The following C2orf72 variants were observed in gnomAD, a reference collection of about 807,000 sequenced individuals.
C2orf72 encodes uncharacterized protein C2orf72.
C2orf72 carries 16 observed loss-of-function variants against 14.4 expected under a neutral mutation model. The observed-to-expected ratio is 1.11, with a 90% CI of 0.75 to 1.69. C2orf72 has a LOEUF of 1.69. Among genes scored for constraint, C2orf72 ranks in the 40% most tolerant of loss-of-function variants. The pLI is 0.00. For synonymous variants in C2orf72, 168 were observed against 176.8 expected, an observed-to-expected ratio of 0.95 and a Z score of 0.40; for missense variants, 371 against 358.3, an observed-to-expected ratio of 1.04 and a Z score of -0.29.
intron 2 of C2orf72, among the ~76,000 whole-genome samples, chr2:231,043,727 TA>T (rs1693373825): frequency 2.0e-5 from 3 of 152,230 alleles, no homozygotes; most frequent in Admixed American, 6.5e-5. Context: ...ACAAATCTCA[TA>T]TAGAAGTGAA....
intron 2 of C2orf72, among the ~76,000 whole-genome samples, chr2:231,044,565 C>CT (rs1267363545): frequency 2.0e-5 from 3 of 151,208 alleles, no homozygotes; most frequent in Non-Finnish European, 4.4e-5. Context: ...CTTTTTCACT[C>CT]TTTTGTAGTA....
intron 2 of C2orf72, among the ~76,000 whole-genome samples, chr2:231,044,446 T>C (rs1188463097): frequency 6.6e-6 from 1 of 152,142 alleles, no homozygotes; most frequent in South Asian, 2.1e-4. Flanking sequence ...AGTTCGAGGC[T>C]ACAGTGATCC....
chr2:231,040,436 G>A (rs1693326762), intron 1 of C2orf72, among the ~76,000 whole-genome samples: 1 of 152,196 alleles, frequency 6.6e-6, no homozygotes, highest in Non-Finnish European at 1.5e-5. Flanking sequence ...TCTATGTTAA[G>A]CGCTTTCCTA....
intron 2 of C2orf72, 58 bp from the exon 3 acceptor site, chr2:231,046,824 G>C: frequency 6.7e-7 from 1 of 1,492,256 alleles, no homozygotes; most frequent in Non-Finnish European, 9.0e-7. Flanking sequence ...TTCCTTCCTA[G>C]ATAACTCACT....
At position 231,042,647 on chromosome 2, in the gene C2orf72, G is replaced by T. The variant is rs544564455; in HGVS notation, c.748+1238G>T. Among the ~76,000 whole-genome samples the T allele has an allele frequency of 1.2e-4, 18 of 152,306 alleles. No individual in the cohort carries two copies. In the South Asian group the frequency reaches 2.9e-3, roughly 25 times the overall value. On this transcript the variant is annotated intron_variant, in intron 2 of 2. Coordinates refer to ENST00000373640, the MANE Select transcript of C2orf72 (RefSeq NM_001144994.2). ...TGGTGGTTCAAAATTAACTTTCATTGTGTCTCTCATTTAAGAAAGAAAACC... is the reference window on the plus strand; with the variant it reads ...TGGTGGTTCAAAATTAACTTTCATTTTGTCTCTCATTTAAGAAAGAAAACC...
Position 231,048,345 on chromosome 2 carries a change from T to G in C2orf72, c.*1324T>G, listed in dbSNP as rs1293701961. The G allele has an allele frequency of 6.6e-6, 1 of 152,416 alleles. No individual in the cohort carries two copies. The highest frequency in any genetic ancestry group is 2.1e-4 in the South Asian group (1 of 4,836). The allele number at this position is 152,416 out of a possible 1,614,324, so 9.4% of individuals were successfully genotyped here. On this transcript the variant is annotated 3_prime_UTR_variant, in exon 3 of 3. Coordinates refer to ENST00000373640, the MANE Select transcript of C2orf72 (RefSeq NM_001144994.2). ...TACGCAGCAGACACACAACTGCGCC[T>G]ACTATTTGCTCGGTGCCCTGCAAGG...
rs2125135304 is a variant in C2orf72 at position 231,037,974 on chromosome 2, C to G, written c.409C>G (p.Arg137Gly). ...GCTGCGGGACGTGCGCGGCCGGCGG[C>G]GGGCCGGGGCGGCGCTGGTCGGGGT... The part of the protein sequence containing the change: ...EMLRDVRGRR[R>G]AGAALVGVLV... The change falls in exon 1 of 3, where the codon CGG (arginine) becomes GGG (glycine). Residue 137 changes from arginine to glycine, a missense_variant. Arg to Gly is a moderately radical substitution (Grantham distance 125, BLOSUM62 -2). Coordinates refer to ENST00000373640, the MANE Select transcript of C2orf72 (RefSeq NM_001144994.2). 3.9e-6 allele frequency: 4 copies of G among 1,022,440 alleles called. No individual in the cohort carries two copies. Among genetic ancestry groups the G allele is most frequent in the Non-Finnish European group, 4.7e-6 (4 of 860,132 alleles). The allele number at this position is 1,022,440 out of a possible 1,614,324, so 63.3% of individuals were successfully genotyped here. A position where few individuals can be genotyped will look rare whatever the true frequency, so the allele number is the denominator to read the frequency against.
At position 231,037,647 on chromosome 2, in the gene C2orf72, G is replaced by A; in HGVS notation, c.82G>A (p.Gly28Arg). Residue 28 changes from glycine (G) to arginine (R), a missense_variant, in exon 1 of 3, where the codon GGG becomes AGG. By Grantham distance (125) the Gly-to-Arg change is moderately radical. Around this residue, in one of 3 missense-constraint regions of C2orf72, gnomAD observed 214 missense variants for 178.7 expected, o/e 1.20. Transcript: ENST00000373640. The stretch of plus-strand genomic sequence containing the variant: ...CTTCCAGGCGTTGGTGGAAGCGGCG[G>A]GGGGCCGCGGGCAGGTGCTGCTGGT... The part of the protein sequence containing the change: ...PPFQALVEAA[G>R]GRGQVLLVGE... The A allele has an allele frequency of 3.6e-6, 4 of 1,120,566 alleles. No homozygotes were observed. The highest frequency in any genetic ancestry group is 8.3e-4 in the Middle Eastern group (2 of 2,418). The allele number at this position is 1,120,566 out of a possible 1,614,324, so 69.4% of individuals were successfully genotyped here.
intron 1 of C2orf72, among the ~76,000 whole-genome samples, chr2:231,039,337 AAAG>A (rs1353266222): frequency 6.6e-6 from 1 of 150,946 alleles, no homozygotes; most frequent in Non-Finnish European, 1.5e-5. Flanking sequence ...AAAAAAAAAA[AAAG>A]AGTAGCTGCA....
chr2:231,043,618 A>G (rs1693372700), intron 2 of C2orf72, among the ~76,000 whole-genome samples: 1 of 152,190 alleles, frequency 6.6e-6, no homozygotes, highest in African/African-American at 2.4e-5. Flanking sequence ...CTCCACCATC[A>G]TTTTGGATAT....
chr2:231,037,710 C>G lies in C2orf72; in HGVS notation c.145C>G (p.Leu49Val). 9.7e-7 allele frequency: 1 copy of G among 1,027,392 alleles called. No homozygotes were observed. Among genetic ancestry groups the G allele is most frequent in the Non-Finnish European group, 1.2e-6 (1 of 858,860 alleles). 63.6% of individuals were successfully genotyped at this position (1,027,392 alleles called of 1,614,324 possible). The change falls in exon 1 of 3, where the codon CTG becomes GTG. Residue 49 changes from leucine to valine, a missense_variant. Physicochemically the swap from Leu to Val is conservative, Grantham distance 32. This residue lies in a region of C2orf72 where 214 missense variants were observed against 178.7 expected (regional missense o/e 1.20). Transcript: ENST00000373640. Reference sequence around the variant, plus strand: ...GGAGCGCGAACAGAGCCGCGCGCTGCTGCGGGACTTCGCACGGGCGGTGTT... The same window carrying G: ...GGAGCGCGAACAGAGCCGCGCGCTGGTGCGGGACTTCGCACGGGCGGTGTT... ...LWEREQSRAL[L>V]RDFARAVFPP...
rs1279895974 is a variant in C2orf72, at chr2:231,047,821, G to A, written c.*800G>A. The A allele has an allele frequency of 2.0e-5, 3 of 153,140 alleles. No homozygotes were observed. Among genetic ancestry groups the A allele is most frequent in the Admixed American group, 6.5e-5 (1 of 15,388 alleles). The allele number at this position is 153,140 out of a possible 1,614,324, so 9.5% of individuals were successfully genotyped here. On this transcript the variant is annotated 3_prime_UTR_variant, in exon 3 of 3. Coordinates refer to ENST00000373640, the MANE Select transcript of C2orf72 (RefSeq NM_001144994.2). ...TTGCCTTGGGGGCTTGTCGGGCCAG[G>A]GCCAAGACGGTCTGCGTGCTGCAGG... is the stretch of plus-strand genomic sequence containing the variant.
chr2:231,046,803 A>G (rs776215550), intron 2 of C2orf72, 79 bp from the exon 3 acceptor site: 29 of 1,426,838 alleles, frequency 2.0e-5, no homozygotes, highest in African/African-American at 2.9e-5. Context: ...GCTGGGGACA[A>G]CTTTCTCCTT....
chr2:231,046,820 C>G, intron 2 of C2orf72, 62 bp from the exon 3 acceptor site: 1 of 1,478,732 alleles, frequency 6.8e-7, no homozygotes, highest in Non-Finnish European at 9.0e-7. Flanking sequence ...CCTTTTCCTT[C>G]CTAGATAACT....
chr2:231,043,073 C>A (rs529000607), intron 2 of C2orf72, among the ~76,000 whole-genome samples: 1 of 152,370 alleles, frequency 6.6e-6, no homozygotes, highest in African/African-American at 2.4e-5. Context: ...TGTCTGACTT[C>A]TTGCTGGCTG....
At chr2:231,045,709 G>A (rs10179829) in intron 2 of C2orf72, among the ~76,000 whole-genome samples, 12 of 151,950 alleles carry the variant, frequency 7.9e-5, no homozygotes, top group East Asian at 3.9e-4. Context: ...TAGTAGAGAC[G>A]GGGTTTCACC....
chr2:231,040,427 C>G (rs1223500246), intron 1 of C2orf72, among the ~76,000 whole-genome samples: 1 of 152,176 alleles, frequency 6.6e-6, no homozygotes, highest in African/African-American at 2.4e-5. Flanking sequence ...GAATTGTTCT[C>G]TATGTTAAGC....
Position 231,049,559 on chromosome 2 carries a change from G to C in C2orf72, c.*2538G>C, listed in dbSNP as rs1693463713. The C allele has an allele frequency of 6.6e-6, 1 of 152,316 alleles. No homozygotes were observed. The highest frequency in any genetic ancestry group is 1.5e-5 in the Non-Finnish European group (1 of 68,086). 9.4% of individuals were successfully genotyped at this position (152,316 alleles called of 1,614,324 possible). A position where few individuals can be genotyped will look rare whatever the true frequency, so the allele number is the denominator to read the frequency against. On this transcript the variant is annotated 3_prime_UTR_variant, in exon 3 of 3. Transcript: ENST00000373640. ...GCCCTTGATTAGGTCAGTGGTCCCTGGGAGCCATCGGCGAGAGGCCTCCAG... is the reference window on the plus strand; with the variant it reads ...GCCCTTGATTAGGTCAGTGGTCCCTCGGAGCCATCGGCGAGAGGCCTCCAG...
intron 2 of C2orf72, among the ~76,000 whole-genome samples, chr2:231,045,470 A>G (rs1288675937): frequency 6.6e-6 from 1 of 151,316 alleles, no homozygotes; most frequent in Non-Finnish European, 1.5e-5. Context: ...GACAACTACA[A>G]GGTTACTAGG....
Sources: gnomAD v4.1 joint callset for allele counts (sites outside exome capture counted in the v4.1 genomes callset) on GRCh38, gnomAD v4.1.1 for gene constraint, gnomAD v4.1.1 regional missense constraint, MANE v1.5 for transcripts, NCBI Gene and HGNC (gene_info 2026-07-23, HGNC 2026-07-21) for gene names.